Variants in APC observed in about 807,000 individuals in gnomAD.
APC encodes APC regulator of Wnt signaling pathway, also known as adenomatous polyposis coli protein.
APC carries 72 observed loss-of-function variants against 247.0 expected under a neutral mutation model. The observed-to-expected ratio is 0.29, with a 90% CI of 0.24 to 0.35. The LOEUF (loss-of-function observed/expected upper bound fraction) is 0.35, where lower values mean the gene tolerates loss of function less well. Among genes scored for constraint, APC ranks in the 10% least tolerant of loss-of-function variants. The pLI, the probability that APC is intolerant of heterozygous loss-of-function variation, is 1.00. For synonymous variants in APC, 1,254 were observed against 1,162.5 expected, an observed-to-expected ratio of 1.08 and a Z score of -1.60; for missense variants, 3,400 against 3,360.7, an observed-to-expected ratio of 1.01 and a Z score of -0.29.
chr5:112,749,344 C>G (rs1422967663), intron 1 of APC, among the ~76,000 whole-genome samples: 3 of 152,044 alleles, frequency 2.0e-5, no homozygotes, highest in Non-Finnish European at 4.4e-5. Context: ...TTTTTCCATC[C>G]TTAGAAGCAT....
rs878853478 is a variant in APC at position 112,815,509 on chromosome 5, A to G, written c.849A>G (p.Arg283=). ...TSGNGQGSTT[R]MDHETASVLS... Reference sequence around the variant, plus strand: ...TTAATTTTTAGGGTTCAACTACACGAATGGACCATGAAACAGCCAGTGTTT... The same window carrying G: ...TTAATTTTTAGGGTTCAACTACACGGATGGACCATGAAACAGCCAGTGTTT... Residue 283 remains arginine, a synonymous_variant, in exon 9 of 16, where the codon CGA becomes CGG. Coordinates refer to ENST00000257430, the MANE Select transcript of APC (RefSeq NM_000038.6). The G allele has an allele frequency of 6.2e-7, 1 of 1,611,870 alleles. No individual in the cohort carries two copies. Among genetic ancestry groups the G allele is most frequent in the Non-Finnish European group, 8.5e-7 (1 of 1,178,468 alleles).
intron 5 of APC, among the ~76,000 whole-genome samples, chr5:112,779,077 G>A (rs1758040140): frequency 6.6e-6 from 1 of 152,128 alleles, no homozygotes. Flanking sequence ...AATCATTCAG[G>A]GTTTTGAGAG....
At chr5:112,836,519 G>A (rs1338560254) in intron 15 of APC, among the ~76,000 whole-genome samples, 1 of 152,044 alleles carries the variant, frequency 6.6e-6, no homozygotes, top group African/African-American at 2.4e-5. Context: ...GCCCACTAAA[G>A]CTGAATATGC....
rs1294390731 is a variant in APC at position 112,840,520 on chromosome 5, T to C, written c.4926T>C (p.Tyr1642=). Residue 1642 remains tyrosine, a synonymous_variant, in exon 16 of 16, where the codon TAT becomes TAC. Transcript: ENST00000257430. This position sits in a 1 kb window ranked among gnomAD's most constrained non-coding sequence, Gnocchi z 4.1. ...CGGGGGATGATATGCCACGGGTGTATTGTGTTGAAGGGACACCTATAAACT... is the reference window on the plus strand; with the variant it reads ...CGGGGGATGATATGCCACGGGTGTACTGTGTTGAAGGGACACCTATAAACT... ...FTPGDDMPRV[Y]CVEGTPINFS... 1 of 1,614,150 alleles carries C rather than the reference T, an allele frequency of 6.2e-7. No individual in the cohort carries two copies. The highest frequency in any genetic ancestry group is 1.7e-5 in the Admixed American group (1 of 60,026).
chr5:112,831,345 G>T (rs1307573789), intron 14 of APC, among the ~76,000 whole-genome samples: 1 of 152,164 alleles, frequency 6.6e-6, no homozygotes, highest in East Asian at 1.9e-4. Flanking sequence ...CTGACCTCAT[G>T]ACCCGCCTGC....
chr5:112,776,408 G>T (rs771608141), intron 5 of APC, among the ~76,000 whole-genome samples: 10 of 152,192 alleles, frequency 6.6e-5, no homozygotes, highest in Non-Finnish European at 1.2e-4. Context: ...ACAGAAGTTT[G>T]TTCACCGATT....
chr5:112,843,135 C>T lies in APC; in HGVS notation c.7541C>T (p.Thr2514Ile), dbSNP rs747833393. The T allele has an allele frequency of 6.2e-7, 1 of 1,613,992 alleles. No individual in the cohort carries two copies. The highest frequency in any genetic ancestry group is 8.5e-7 in the Non-Finnish European group (1 of 1,179,870). The change falls in exon 16 of 16, where the codon ACT becomes ATT. Residue 2514 changes from threonine (T) to isoleucine (I), a missense_variant. By Grantham distance (89) the Thr-to-Ile change is moderately conservative (BLOSUM62 -1). Around this residue, in one of 9 missense-constraint regions of APC, gnomAD observed 1,788 missense variants for 1,649.5 expected, o/e 1.08. Coordinates refer to ENST00000257430, the MANE Select transcript of APC (RefSeq NM_000038.6). This position sits in a 1 kb window ranked among gnomAD's most constrained non-coding sequence, Gnocchi z 4.8. ...WRKLPPNLSPTIEYNDGRPAK... is the reference protein window; with the variant it reads ...WRKLPPNLSPIIEYNDGRPAK... Reference sequence around the variant, plus strand: ...AAACTCCCACCTAATCTCAGTCCCACTATAGAGTATAATGATGGAAGACCA... The same window carrying T: ...AAACTCCCACCTAATCTCAGTCCCATTATAGAGTATAATGATGGAAGACCA...
rs786203136 is a variant in APC at position 112,837,637 on chromosome 5, T to C, written c.2043T>C (p.Cys681=). ...GTTTGACAATAGTCAGTAATGCATGTGGAACTTTGTGGAATCTCTCAGCAA... is the reference window on the plus strand; with the variant it reads ...GTTTGACAATAGTCAGTAATGCATGCGGAACTTTGTGGAATCTCTCAGCAA... ...SHSLTIVSNA[C]GTLWNLSARN... is the part of the protein sequence containing the mutation. The change falls in exon 16 of 16, where the codon TGT becomes TGC. Residue 681 remains cysteine (C), a synonymous_variant. Coordinates refer to ENST00000257430, the MANE Select transcript of APC (RefSeq NM_000038.6). 1 of 1,613,548 alleles carries C rather than the reference T, an allele frequency of 6.2e-7. No individual in the cohort carries two copies. The highest frequency in any genetic ancestry group is 8.5e-7 in the Non-Finnish European group (1 of 1,179,572).
At chr5:112,832,860 A>G (rs1175924624) in intron 14 of APC, among the ~76,000 whole-genome samples, 1 of 152,194 alleles carries the variant, frequency 6.6e-6, no homozygotes, top group African/African-American at 2.4e-5. Flanking sequence ...CCCCCAAAGC[A>G]AATTGCTAAC....
chr5:112,770,101 G>T (rs1474917612), intron 4 of APC, among the ~76,000 whole-genome samples: 1 of 152,166 alleles, frequency 6.6e-6, no homozygotes, highest in Non-Finnish European at 1.5e-5. Context: ...TTAGCAGAGA[G>T]AGGGAATTTC....
rs1201812680 is a variant in APC at position 112,842,844 on chromosome 5, C to T, written c.7250C>T (p.Ser2417Phe). The T allele has an allele frequency of 6.2e-7, 1 of 1,613,866 alleles. No homozygotes were observed. Among genetic ancestry groups the T allele is most frequent in the Non-Finnish European group, 8.5e-7 (1 of 1,179,888 alleles). The stretch of plus-strand genomic sequence containing the variant: ...GGAGCCAATAAAAAGGTAGAACTTT[C>T]TAGAATGTCTTCAACTAAATCAAGT... Reference protein sequence around the residue: ...GNGANKKVELSRMSSTKSSGS... With the variant: ...GNGANKKVELFRMSSTKSSGS... Residue 2417 changes from serine (S) to phenylalanine (F), a missense_variant, in exon 16 of 16, where the codon TCT becomes TTT. By Grantham distance (155) the Ser-to-Phe change is radical (BLOSUM62 -2). Coordinates refer to ENST00000257430, the MANE Select transcript of APC (RefSeq NM_000038.6).
chr5:112,774,639 T>C (rs1467385711), intron 4 of APC, among the ~76,000 whole-genome samples: 1 of 151,838 alleles, frequency 6.6e-6, no homozygotes, highest in Non-Finnish European at 1.5e-5. Context: ...TTTTGTATTT[T>C]TTTGTAGAGA....
At chr5:112,797,349 T>C (rs943195679) in intron 7 of APC, among the ~76,000 whole-genome samples, 4 of 152,098 alleles carry the variant, frequency 2.6e-5, no homozygotes, top group Non-Finnish European at 4.4e-5. Context: ...ATGGAGAAAA[T>C]TGGGGATTGG....
At position 112,838,475 on chromosome 5, in the gene APC, A is replaced by T. The variant is rs2149879367; in HGVS notation, c.2881A>T (p.Asn961Tyr). Residue 961 changes from asparagine (N) to tyrosine (Y), a missense_variant, in exon 16 of 16, where the codon AAT (asparagine) becomes TAT (tyrosine). Asn to Tyr is a moderately radical substitution (Grantham distance 143, BLOSUM62 -2). Coordinates refer to ENST00000257430, the MANE Select transcript of APC (RefSeq NM_000038.6). ...YAKLEYKRSS[N>Y]DSLNSVSSSD... ...CAAATTAGAATACAAGAGATCTTCA[A>T]ATGATAGTTTAAATAGTGTCAGTAG... The T allele has an allele frequency of 6.2e-7, 1 of 1,614,228 alleles. No individual in the cohort carries two copies. The highest frequency in any genetic ancestry group is 8.5e-7 in the Non-Finnish European group (1 of 1,180,040).
At position 112,838,699 on chromosome 5, in the gene APC, G is replaced by T. The variant is rs878853435; in HGVS notation, c.3105G>T (p.Gln1035His). 1.2e-6 allele frequency: 2 copies of T among 1,614,186 alleles called. No individual in the cohort carries two copies. The highest frequency in any genetic ancestry group is 8.5e-7 in the Non-Finnish European group (1 of 1,180,020). ...ATAGTCTTAAATATTCAGATGAGCAGTTGAACTCTGGAAGGCAAAGTCCTT... is the reference window on the plus strand; with the variant it reads ...ATAGTCTTAAATATTCAGATGAGCATTTGAACTCTGGAAGGCAAAGTCCTT... ...INYSLKYSDEQLNSGRQSPSQ... is the reference protein window; with the variant it reads ...INYSLKYSDEHLNSGRQSPSQ... Residue 1035 changes from glutamine (Q) to histidine (H), a missense_variant, in exon 16 of 16, where the codon CAG (glutamine) becomes CAT (histidine). Gln to His is a conservative substitution (Grantham distance 24). Transcript: ENST00000257430.
intron 1 of APC, among the ~76,000 whole-genome samples, chr5:112,708,673 T>G (rs13169017): frequency 0.024 from 3,700 of 152,348 alleles, 67 homozygotes; most frequent in Middle Eastern, 0.044. Flanking sequence ...ACTGACGTCT[T>G]AGAATTCCAT....
At chr5:112,783,629 CCAAA>C in intron 6 of APC, 1 of 155,498 alleles carries the variant, frequency 6.4e-6, no homozygotes, top group Non-Finnish European at 1.3e-5. Flanking sequence ...CCTGCCTCTA[CCAAA>C]AAAAAAAAAA....
Position 112,841,604 on chromosome 5 carries a change from G to A in APC, c.6010G>A (p.Ala2004Thr), listed in dbSNP as rs2149954801. ...ACAGGGAGAACCAAGTAAACCTCAA[G>A]CATCAGGCTATGCTCCTAAATCATT... ...DSQGEPSKPQ[A>T]SGYAPKSFHV... The change falls in exon 16 of 16, where the codon GCA becomes ACA. Residue 2004 changes from alanine (A) to threonine (T), a missense_variant. By Grantham distance (58) the Ala-to-Thr change is moderately conservative. Coordinates refer to ENST00000257430, the MANE Select transcript of APC (RefSeq NM_000038.6). The surrounding 1 kb of genome is among the most constrained non-coding windows in gnomAD (Gnocchi z 4.6). 1 of 1,613,522 alleles carries A rather than the reference G, an allele frequency of 6.2e-7. No individual in the cohort carries two copies. The highest frequency in any genetic ancestry group is 8.5e-7 in the Non-Finnish European group (1 of 1,179,486).
chr5:112,833,434 G>GC (rs534244816), intron 14 of APC, among the ~76,000 whole-genome samples: 3,105 of 152,142 alleles, frequency 0.02, 111 homozygotes, highest in African/African-American at 0.071. Context: ...GTGCACCTTG[G>GC]CCCCTCAAAG....
Sources: allele counts gnomAD v4.1 joint callset (sites outside exome capture counted in the v4.1 genomes callset), GRCh38; gene constraint gnomAD v4.1.1; regional missense constraint gnomAD v4.1.1; non-coding constraint Gnocchi (gnomAD v3.1); transcripts MANE v1.5; gene names NCBI Gene and HGNC (gene_info 2026-07-23, HGNC 2026-07-21).